DUSP29: variants seen among roughly 807,000 people sequenced by gnomAD.
DUSP29 encodes the protein atypical dual-specific protein phosphatase.
A neutral mutation model predicts 13.5 loss-of-function variants in DUSP29; 12 were observed. That is an observed-to-expected ratio of 0.89 (90% CI 0.57 to 1.44). The LOEUF is 1.44. Ranked by LOEUF, DUSP29 falls within the 40% of genes most tolerant of loss-of-function variation. DUSP29 has a pLI of 0.00. For missense variants in DUSP29, 308 were observed against 301.1 expected, an observed-to-expected ratio of 1.02 and a Z score of -0.17; for synonymous variants, 134 against 128.7, an observed-to-expected ratio of 1.04 and a Z score of -0.28.
intron 2 of DUSP29, among the ~76,000 whole-genome samples, chr10:75,055,728 G>T (rs1303583632): frequency 1.3e-5 from 2 of 152,136 alleles, no homozygotes; most frequent in African/African-American, 4.8e-5. Context: ...TTAAAAGGGT[G>T]AACTTTATGG....
chr10:75,072,468 C>T (rs959042283), intron 1 of DUSP29, among the ~76,000 whole-genome samples: 4 of 152,168 alleles, frequency 2.6e-5, no homozygotes, highest in African/African-American at 9.7e-5. Context: ...TCCTCAGACC[C>T]ACCCCATGTC....
chr10:75,049,947 A>G (rs1297818940), intron 2 of DUSP29, among the ~76,000 whole-genome samples: 1 of 152,216 alleles, frequency 6.6e-6, no homozygotes, highest in African/African-American at 2.4e-5. Context: ...CTGAGCCCAA[A>G]TGCCGGACCT....
At chr10:75,040,666 G>A (rs966539285) in intron 3 of DUSP29, among the ~76,000 whole-genome samples, 6 of 152,170 alleles carry the variant, frequency 3.9e-5, no homozygotes, top group Admixed American at 6.5e-5. Flanking sequence ...GTGAGGCCTC[G>A]GTGACAGAAG....
At position 75,037,816 on chromosome 10, in the gene DUSP29, G is replaced by C. The variant is rs1846494083; in HGVS notation, c.*20C>G. The C allele has an allele frequency of 1.3e-6, 2 of 1,590,656 alleles. No homozygotes were observed. The highest frequency in any genetic ancestry group is 3.4e-5 in the Admixed American group (2 of 59,586). On this transcript the variant is annotated 3_prime_UTR_variant, in exon 4 of 4. Coordinates refer to ENST00000338487, the MANE Select transcript of DUSP29 (RefSeq NM_001003892.3). ...CTCCCCTCTGTCCCCAAGTGCCTCT[G>C]CTGGCCCTGTGAGTCGGGCCTACAG...
At chr10:75,061,452 T>C (rs916786699) in intron 1 of DUSP29, among the ~76,000 whole-genome samples, 1 of 152,190 alleles carries the variant, frequency 6.6e-6, no homozygotes, top group Non-Finnish European at 1.5e-5. Context: ...AAGTGTGGTC[T>C]GAAGACCACG....
At chr10:75,052,014 G>A (rs1257085555) in intron 2 of DUSP29, among the ~76,000 whole-genome samples, 12 of 152,216 alleles carry the variant, frequency 7.9e-5, no homozygotes, top group African/African-American at 1.7e-4. Context: ...TCACACACCT[G>A]TGTGTGCTTG....
At chr10:75,051,335 C>A (rs899329278) in intron 2 of DUSP29, among the ~76,000 whole-genome samples, 1 of 152,186 alleles carries the variant, frequency 6.6e-6, no homozygotes. Flanking sequence ...TACTGGGCAC[C>A]GTGAGACATG....
At position 75,072,254 on chromosome 10, in the gene DUSP29, C is replaced by T. The variant is rs909756576; in HGVS notation, c.-35+1315G>A. On this transcript the variant is annotated intron_variant, in intron 1 of 3. Transcript: ENST00000338487. ...GCCTATAGACAGCAAACTAAAAGAGCACCCTGTAACACACACCCACTGGGG... is the reference window on the plus strand; with the variant it reads ...GCCTATAGACAGCAAACTAAAAGAGTACCCTGTAACACACACCCACTGGGG... Among the ~76,000 whole-genome samples the T allele has an allele frequency of 2.0e-5, 3 of 152,178 alleles. No individual in the cohort carries two copies. In the South Asian group the frequency reaches 6.2e-4, roughly 31 times the overall value.
chr10:75,051,743 G>A (rs1050988087), intron 2 of DUSP29, among the ~76,000 whole-genome samples: 14 of 152,206 alleles, frequency 9.2e-5, no homozygotes, highest in African/African-American at 2.7e-4. Flanking sequence ...TAAAACTGAG[G>A]CTTTGTGCAT....
intron 1 of DUSP29, among the ~76,000 whole-genome samples, chr10:75,063,449 G>A (rs1847132187): frequency 6.6e-6 from 1 of 151,986 alleles, no homozygotes. Flanking sequence ...TCCTTGTGCT[G>A]GTCAGGCCTG....
At chr10:75,060,475 A>T (rs1589866436) in intron 1 of DUSP29, among the ~76,000 whole-genome samples, 2 of 152,188 alleles carry the variant, frequency 1.3e-5, no homozygotes, top group Middle Eastern at 6.8e-3. Context: ...TTATAAAAAA[A>T]AAAAAAAAAA....
Position 75,043,033 on chromosome 10 carries a change from G to A in DUSP29, c.421+764C>T, listed in dbSNP as rs960711629. Reference sequence around the variant, plus strand: ...AGCCTTGTAGCCTTTGCTGGATTAGGGTAGCCAACAGTGCATTCTGAGCAC... The same window carrying A: ...AGCCTTGTAGCCTTTGCTGGATTAGAGTAGCCAACAGTGCATTCTGAGCAC... On this transcript the variant is annotated intron_variant, in intron 3 of 3. Transcript: ENST00000338487. 2.0e-5 allele frequency among the ~76,000 whole-genome samples: 3 copies of A among 152,338 alleles called. No individual in the cohort carries two copies. In the East Asian group the frequency reaches 5.8e-4, roughly 29 times the overall value.
At chr10:75,040,030 A>T (rs533886923) in intron 3 of DUSP29, among the ~76,000 whole-genome samples, 2 of 152,018 alleles carry the variant, frequency 1.3e-5, no homozygotes, top group South Asian at 2.1e-4. Context: ...AAAATACAAA[A>T]ATTCACCAGG....
At position 75,061,849 on chromosome 10, in the gene DUSP29, G is replaced by GGAATGAGT. The variant is rs1376086454; in HGVS notation, c.-34-3309_-34-3302dup. 2.6e-5 allele frequency among the ~76,000 whole-genome samples: 4 copies of GGAATGAGT among 152,298 alleles called. No individual in the cohort carries two copies. In the South Asian group the frequency reaches 6.2e-4, roughly 24 times the overall value. On this transcript the variant is annotated intron_variant, in intron 1 of 3. Transcript: ENST00000338487. ...TGAGGAAGTGGCTTAGTGAATGAAT[G>GGAATGAGT]GAATGAGTGAATGAGTGACTGAGGG...
chr10:75,048,383 G>A (rs956932052), intron 2 of DUSP29, among the ~76,000 whole-genome samples: 1 of 149,026 alleles, frequency 6.7e-6, no homozygotes, highest in Non-Finnish European at 1.5e-5. Flanking sequence ...GAATCATGTA[G>A]TTTACTTTTT....
chr10:75,063,855 AATT>A (rs1847140222), intron 1 of DUSP29, among the ~76,000 whole-genome samples: 1 of 152,218 alleles, frequency 6.6e-6, no homozygotes, highest in South Asian at 2.1e-4. Context: ...CCACAAATAC[AATT>A]ATTATTTGTC....
In DUSP29 at chr10:75,058,502, C is replaced by A. The variant is rs769399350; in HGVS notation, c.13G>T (p.Glu5Ter). The stretch of plus-strand genomic sequence containing the variant: ...GCATTCTTGAGGCTTGTCTTCACTT[C>A]TCCAGATGTCATTTTAGAGCCAAGG... MTSG[E>*]VKTSLKNAYS... The change falls in exon 2 of 4, where the codon GAA becomes TAA. Residue 5 changes from glutamate to a stop codon, truncating the protein, a stop_gained. Transcript: ENST00000338487. LOFTEE classifies it high-confidence loss of function. 4 of 1,614,070 alleles carry A rather than the reference C, an allele frequency of 2.5e-6. No homozygotes were observed. In the South Asian group the frequency reaches 3.3e-5, roughly 13 times the overall value.
intron 2 of DUSP29, among the ~76,000 whole-genome samples, chr10:75,050,037 C>A (rs532750499): frequency 6.6e-6 from 1 of 152,350 alleles, no homozygotes; most frequent in East Asian, 1.9e-4. Context: ...AGTTTAACCT[C>A]ACCCTGGCAC....
At chr10:75,050,401 A>C (rs1445183711) in intron 2 of DUSP29, among the ~76,000 whole-genome samples, 1 of 152,266 alleles carries the variant, frequency 6.6e-6, no homozygotes, top group African/African-American at 2.4e-5. Context: ...TCTCTGGAGG[A>C]CAACACTTGG....
Sources: gnomAD v4.1 joint callset for allele counts (sites outside exome capture counted in the v4.1 genomes callset) on GRCh38, gnomAD v4.1.1 for gene constraint, MANE v1.5 for transcripts, NCBI Gene and HGNC (gene_info 2026-07-23, HGNC 2026-07-21) for gene names.